The following CDH4 variants were observed in gnomAD, a reference collection of about 807,000 sequenced individuals.
CDH4 encodes the protein cadherin 4, also known as cadherin-4.
In CDH4, 33 loss-of-function variants were observed where a neutral mutation model predicts 86.0. That is an observed-to-expected ratio of 0.38 (90% CI 0.29 to 0.51). The LOEUF (loss-of-function observed/expected upper bound fraction) is 0.51. Ranked by LOEUF, CDH4 falls within the 20% of genes least tolerant of loss-of-function variation. CDH4 has a pLI of 0.86. For synonymous variants in CDH4, 555 were observed against 549.4 expected, an observed-to-expected ratio of 1.01 and a Z score of -0.14; for missense variants, 1,114 against 1,307.4, an observed-to-expected ratio of 0.85 and a Z score of 2.28.
At chr20:61,855,865 G>C (rs1982975896) in intron 6 of CDH4, among the ~76,000 whole-genome samples, 1 of 152,188 alleles carries the variant, frequency 6.6e-6, no homozygotes, top group South Asian at 2.1e-4. Context: ...ACTATGTTGA[G>C]TGAAACGTCC....
At chr20:61,562,972 G>A (rs2086232224) in intron 2 of CDH4, among the ~76,000 whole-genome samples, 1 of 152,192 alleles carries the variant, frequency 6.6e-6, no homozygotes, top group Non-Finnish European at 1.5e-5. Context: ...CAGGAGCACG[G>A]CTGGGTCCAG....
chr20:61,803,640 C>T (rs2045537640), intron 4 of CDH4, among the ~76,000 whole-genome samples: 1 of 152,224 alleles, frequency 6.6e-6, no homozygotes, highest in African/African-American at 2.4e-5. Flanking sequence ...TGCGGGATTC[C>T]AGTTACTCTG....
rs112173110 is a variant in CDH4 at position 61,544,255 on chromosome 20, G to C, written c.170-199308G>C. Among the ~76,000 whole-genome samples the C allele has an allele frequency of 6.6e-6, 1 of 152,120 alleles. No homozygotes were observed. The highest frequency in any genetic ancestry group is 1.5e-5 in the Non-Finnish European group (1 of 68,020). On this transcript the variant is annotated intron_variant, in intron 2 of 15. Transcript: ENST00000614565. This position sits in a 1 kb window ranked among gnomAD's most constrained non-coding sequence, Gnocchi z 6.5. The stretch of plus-strand genomic sequence containing the variant: ...ACCACAGTTGTGTATGTATATGGCG[G>C]GGTACGGCTGACATCGAGCGGGTGG...
At chr20:61,716,800 A>G (rs889980235) in intron 2 of CDH4, among the ~76,000 whole-genome samples, 36 of 152,222 alleles carry the variant, frequency 2.4e-4, no homozygotes, top group African/African-American at 8.7e-4. Flanking sequence ...CCCAGCTACT[A>G]AGGAGGCTGA....
chr20:61,409,971 G>A (rs2085107753), intron 2 of CDH4, among the ~76,000 whole-genome samples: 1 of 152,210 alleles, frequency 6.6e-6, no homozygotes, highest in African/African-American at 2.4e-5. Context: ...TCCCAGAGGA[G>A]AACTAGATAA....
chr20:61,543,073 C>G (rs1025802946), intron 2 of CDH4, among the ~76,000 whole-genome samples: 2 of 152,230 alleles, frequency 1.3e-5, no homozygotes, highest in Non-Finnish European at 2.9e-5. Context: ...GAAGACTCAG[C>G]CAGTCCAGTC....
intron 2 of CDH4, among the ~76,000 whole-genome samples, chr20:61,677,298 C>G (rs2087453966): frequency 6.6e-6 from 1 of 152,186 alleles, no homozygotes; most frequent in African/African-American, 2.4e-5. Flanking sequence ...CTTAAGATGA[C>G]AGCCTGTATG....
chr20:61,628,749 G>A (rs1161210684), intron 2 of CDH4, among the ~76,000 whole-genome samples: 1 of 152,216 alleles, frequency 6.6e-6, no homozygotes, highest in East Asian at 1.9e-4. Flanking sequence ...GAGACTTGCA[G>A]CCAAGAAGAC....
chr20:61,723,342 C>A (rs565563203), intron 2 of CDH4, among the ~76,000 whole-genome samples: 1 of 152,308 alleles, frequency 6.6e-6, no homozygotes, highest in South Asian at 2.1e-4. Context: ...CCGGGCAGGC[C>A]CCTCCCGGGG....
At chr20:61,320,295 A>C (rs1297062811) in intron 2 of CDH4, among the ~76,000 whole-genome samples, 1 of 152,064 alleles carries the variant, frequency 6.6e-6, no homozygotes, top group Non-Finnish European at 1.5e-5. Flanking sequence ...TTGCTCATTC[A>C]ACCAGCATCT....
intron 2 of CDH4, among the ~76,000 whole-genome samples, chr20:61,434,457 G>A (rs1015876426): frequency 6.6e-5 from 10 of 152,120 alleles, no homozygotes; most frequent in South Asian, 2.1e-4. Flanking sequence ...TAGATTGCAC[G>A]TTCACCGCGG....
At position 61,535,532 on chromosome 20, in the gene CDH4, G is replaced by A. The variant is rs141522306; in HGVS notation, c.170-208031G>A. 5.3e-3 allele frequency among the ~76,000 whole-genome samples: 803 copies of A among 152,388 alleles called. 7 individuals carry two copies. Among genetic ancestry groups the A allele is most frequent in the African/African-American group, 0.018 (759 of 41,600 alleles). On this transcript the variant is annotated intron_variant, in intron 2 of 15. Transcript: ENST00000614565. ...TCCCAGAAAGCCTTTTAAGTAGAAT[G>A]TTTTTAGAAATAAATTACATATGGG...
At chr20:61,710,859 C>G (rs753038039) in intron 2 of CDH4, among the ~76,000 whole-genome samples, 4 of 152,200 alleles carry the variant, frequency 2.6e-5, no homozygotes, top group Non-Finnish European at 5.9e-5. Context: ...AAGGGGGTCC[C>G]TGCCCTCATG....
intron 2 of CDH4, among the ~76,000 whole-genome samples, chr20:61,519,625 C>T (rs547567396): frequency 2.0e-5 from 3 of 152,368 alleles, no homozygotes; most frequent in East Asian, 1.9e-4. Context: ...GGCCAGGCAG[C>T]GCTGCCTCTC....
intron 2 of CDH4, among the ~76,000 whole-genome samples, chr20:61,270,097 C>T (rs1000662659): frequency 6.6e-6 from 1 of 152,198 alleles, no homozygotes; most frequent in Non-Finnish European, 1.5e-5. Context: ...TGGCAAAAGG[C>T]AGGCTTTAAA....
chr20:61,308,367 T>C (rs2084428609), intron 2 of CDH4, among the ~76,000 whole-genome samples: 1 of 152,208 alleles, frequency 6.6e-6, no homozygotes, highest in Non-Finnish European at 1.5e-5. Flanking sequence ...CTTAGTTTCA[T>C]GCTGATTGAA....
At chr20:61,449,784 C>T (rs2085370357) in intron 2 of CDH4, among the ~76,000 whole-genome samples, 2 of 152,154 alleles carry the variant, frequency 1.3e-5, no homozygotes, top group Admixed American at 1.3e-4. Context: ...TCAATGTACC[C>T]GTATACTGAG....
At chr20:61,833,681 T>C (rs1440286190) in intron 4 of CDH4, among the ~76,000 whole-genome samples, 3 of 151,970 alleles carry the variant, frequency 2.0e-5, no homozygotes, top group African/African-American at 7.3e-5. Context: ...CCAAGCACAG[T>C]ACTCAGCCCT....
At chr20:61,357,195 T>C (rs1477620851) in intron 2 of CDH4, among the ~76,000 whole-genome samples, 1 of 152,208 alleles carries the variant, frequency 6.6e-6, no homozygotes, top group Non-Finnish European at 1.5e-5. Flanking sequence ...GATTTCGTCC[T>C]CCCACACCTT....
Sources: gnomAD v4.1 joint callset for allele counts (sites outside exome capture counted in the v4.1 genomes callset) on GRCh38, gnomAD v4.1.1 for gene constraint, Gnocchi (gnomAD v3.1) non-coding constraint, MANE v1.5 for transcripts, NCBI Gene and HGNC (gene_info 2026-07-23, HGNC 2026-07-21) for gene names.